Variants in MSI2 observed in about 807,000 individuals in gnomAD.
MSI2 encodes the protein musashi RNA binding protein 2, also known as RNA-binding protein Musashi homolog 2.
A neutral mutation model predicts 45.6 loss-of-function variants in MSI2; 17 were observed. That is an observed-to-expected ratio of 0.37 (90% CI 0.26 to 0.56). The LOEUF (loss-of-function observed/expected upper bound fraction) is 0.56, where lower values mean the gene tolerates loss of function less well. MSI2 is among the 20% of genes least tolerant of loss of function. MSI2 has a pLI of 0.77. For missense variants in MSI2, 293 were observed against 444.2 expected (o/e 0.66, Z 3.06); for synonymous variants, 156 against 158.2 (o/e 0.99, Z 0.11).
At chr17:57,642,859 C>T (rs1235939323) in intron 10 of MSI2, among the ~76,000 whole-genome samples, 4 of 152,170 alleles carry the variant, frequency 2.6e-5, no homozygotes, top group Non-Finnish European at 5.9e-5. Context: ...GAATGCTAGG[C>T]CCCAGCCCTC....
rs142530502 is a variant in MSI2 at position 57,591,277 on chromosome 17, C to T, written c.455-5591C>T. On this transcript the variant is annotated intron_variant, in intron 7 of 13. Coordinates refer to ENST00000284073, the MANE Select transcript of MSI2 (RefSeq NM_138962.4). ...GAAGGAAATAATCATGACTCCCTGT[C>T]CTCCATCTCTCCCAAATCTCTTGTA... is the stretch of plus-strand genomic sequence containing the variant. 2.6e-3 allele frequency among the ~76,000 whole-genome samples: 390 copies of T among 152,326 alleles called. 1 individual carries two copies. Among genetic ancestry groups the T allele is most frequent in the African/African-American group, 8.9e-3 (371 of 41,564 alleles).
Position 57,625,613 on chromosome 17 carries a change from C to T in MSI2, c.653-1616C>T, listed in dbSNP as rs571849052. 9 of 152,224 alleles carry T rather than the reference C, an allele frequency of 5.9e-5. No individual in the cohort carries two copies. The South Asian group carries it at 6.2e-4, about 11-fold the overall frequency. The allele number at this position is 152,224 out of a possible 1,614,324, so 9.4% of individuals were successfully genotyped here. A position where few individuals can be genotyped will look rare whatever the true frequency, so the allele number is the denominator to read the frequency against. Reference sequence around the variant, plus strand: ...GTTTGTGTAGAAGGGCAGAGACACCCGTGGAAAGTGTCACTGTTGCCCTCA... The same window carrying T: ...GTTTGTGTAGAAGGGCAGAGACACCTGTGGAAAGTGTCACTGTTGCCCTCA... On this transcript the variant is annotated intron_variant, in intron 9 of 13. Transcript: ENST00000284073.
chr17:57,414,034 C>T (rs1598237879), intron 6 of MSI2, among the ~76,000 whole-genome samples: 1 of 151,338 alleles, frequency 6.6e-6, no homozygotes, highest in South Asian at 2.1e-4. Flanking sequence ...GCTTAACAAG[C>T]ATGGGGTGTG....
At chr17:57,288,517 A>T (rs530613319) in intron 5 of MSI2, among the ~76,000 whole-genome samples, 51 of 152,324 alleles carry the variant, frequency 3.3e-4, no homozygotes, top group Non-Finnish European at 6.2e-4. Context: ...CTCCTGGGTC[A>T]TCATCCTTTT....
chr17:57,321,428 G>A (rs1039391956), intron 5 of MSI2, among the ~76,000 whole-genome samples: 1 of 152,072 alleles, frequency 6.6e-6, no homozygotes, highest in African/African-American at 2.4e-5. Context: ...CCCCTCCCAC[G>A]CCAACCTCCC....
intron 6 of MSI2, among the ~76,000 whole-genome samples, chr17:57,500,518 C>T (rs181511020): frequency 1.5e-4 from 22 of 151,608 alleles, no homozygotes; most frequent in Admixed American, 1.2e-3. Context: ...GACAGTTGCC[C>T]GCTTGGTAGA....
At chr17:57,350,253 T>TGTGTGTGTGTGTGTTC (rs1373873349) in intron 5 of MSI2, among the ~76,000 whole-genome samples, 1 of 151,944 alleles carries the variant, frequency 6.6e-6, no homozygotes, top group Non-Finnish European at 1.5e-5. Flanking sequence ...TGTGTGTGTG[T>TGTGTGTGTGTGTGTTC]GTTCATAGAA....
intron 11 of MSI2, among the ~76,000 whole-genome samples, chr17:57,653,050 C>A (rs1202301260): frequency 6.6e-6 from 1 of 151,970 alleles, no homozygotes; most frequent in Non-Finnish European, 1.5e-5. Flanking sequence ...GGCTCTGGAG[C>A]ACCCAGGGAA....
rs1000883445 is a variant in MSI2, at chr17:57,519,903, G to A, written c.406-9773G>A. Among the ~76,000 whole-genome samples the A allele has an allele frequency of 3.3e-5, 5 of 152,252 alleles. No individual in the cohort carries two copies. In the East Asian group the frequency reaches 5.8e-4, roughly 18 times the overall value. On this transcript the variant is annotated intron_variant, in intron 6 of 13. Transcript: ENST00000284073. Reference sequence around the variant, plus strand: ...CAATTTCCTCACCTGTAAAATGGGTGTATGATGCCACGTGTGTGGGCACGT... The same window carrying A: ...CAATTTCCTCACCTGTAAAATGGGTATATGATGCCACGTGTGTGGGCACGT...
chr17:57,336,352 C>T (rs572900984), intron 5 of MSI2, among the ~76,000 whole-genome samples: 5 of 152,338 alleles, frequency 3.3e-5, no homozygotes, highest in African/African-American at 7.2e-5. Flanking sequence ...TGAAAGTCAG[C>T]GTTTGGAAAC....
At chr17:57,645,850 C>G (rs1910614670) in intron 10 of MSI2, among the ~76,000 whole-genome samples, 1 of 152,286 alleles carries the variant, frequency 6.6e-6, no homozygotes, top group South Asian at 2.1e-4. Context: ...AGTGAGCAAC[C>G]AGGGTTGAGA....
At chr17:57,665,247 G>T (rs1323544260) in intron 11 of MSI2, among the ~76,000 whole-genome samples, 2 of 152,242 alleles carry the variant, frequency 1.3e-5, no homozygotes, top group Non-Finnish European at 2.9e-5. Flanking sequence ...GGACAGGCCA[G>T]TCCTGGCTGA....
At chr17:57,584,092 T>C (rs1489944954) in intron 7 of MSI2, among the ~76,000 whole-genome samples, 2 of 152,160 alleles carry the variant, frequency 1.3e-5, no homozygotes, top group East Asian at 1.9e-4. Context: ...CCCTAAATAA[T>C]GAGCTCCAGA....
intron 5 of MSI2, among the ~76,000 whole-genome samples, chr17:57,324,903 G>C (rs1193934381): frequency 6.6e-6 from 1 of 152,218 alleles, no homozygotes; most frequent in African/African-American, 2.4e-5. Context: ...CAACCTGCTT[G>C]TGAGCTGGAG....
chr17:57,304,950 A>G (rs928278924), intron 5 of MSI2, among the ~76,000 whole-genome samples: 2 of 152,164 alleles, frequency 1.3e-5, no homozygotes, highest in Non-Finnish European at 2.9e-5. Flanking sequence ...TGTATCCAGC[A>G]TCTACTGAGT....
At chr17:57,283,106 C>A (rs1909568530) in intron 5 of MSI2, among the ~76,000 whole-genome samples, 1 of 152,110 alleles carries the variant, frequency 6.6e-6, no homozygotes, top group Non-Finnish European at 1.5e-5. Context: ...CTTCCTGCAG[C>A]TGTGTTCTCT....
intron 7 of MSI2, among the ~76,000 whole-genome samples, chr17:57,550,268 C>T (rs1347509287): frequency 2.0e-5 from 3 of 152,186 alleles, no homozygotes; most frequent in Non-Finnish European, 4.4e-5. Context: ...CAAGGCCTTA[C>T]GGCAGCTAGC....
chr17:57,371,122 G>A (rs1598180488), intron 5 of MSI2, among the ~76,000 whole-genome samples: 1 of 151,978 alleles, frequency 6.6e-6, no homozygotes, highest in East Asian at 1.9e-4. Context: ...GTAAATTTCA[G>A]CCCCGTAAAA....
At chr17:57,649,101 C>A (rs1039981037) in intron 10 of MSI2, among the ~76,000 whole-genome samples, 2 of 152,168 alleles carry the variant, frequency 1.3e-5, no homozygotes, top group African/African-American at 4.8e-5. Flanking sequence ...CCTCTGGCAG[C>A]CCCAGCTGGG....
Sources: gnomAD v4.1 joint callset for allele counts (sites outside exome capture counted in the v4.1 genomes callset) on GRCh38, gnomAD v4.1.1 for gene constraint, MANE v1.5 for transcripts, NCBI Gene and HGNC (gene_info 2026-07-23, HGNC 2026-07-21) for gene names.